Variants in SDK2 observed in about 807,000 individuals in gnomAD.
The protein encoded by SDK2 is sidekick cell adhesion molecule 2.
Under a neutral mutation model 253.9 loss-of-function variants are expected in SDK2, and 105 were observed. The observed-to-expected ratio is 0.41, with a 90% CI of 0.35 to 0.49. The LOEUF is 0.49. Ranked by LOEUF, SDK2 falls within the 20% of genes least tolerant of loss-of-function variation. SDK2 has a pLI of 0.06. For missense variants in SDK2, 2,608 were observed against 3,003.0 expected (o/e 0.87, Z 3.07); for synonymous variants, 1,249 against 1,234.9 (o/e 1.01, Z -0.24).
chr17:73,437,955 C>T lies in SDK2; in HGVS notation c.916+9G>A. ...TCAGGGGAGCCCTAGCAGCCCCACC[C>T]TCTCTCACCCAGCACTGAGAGGTAG... is the stretch of plus-strand genomic sequence containing the variant. On this transcript the variant is annotated intron_variant, in intron 7 of 44. Transcript: ENST00000392650. 6.4e-7 allele frequency: 1 copy of T among 1,552,956 alleles called. No homozygotes were observed. Among genetic ancestry groups the T allele is most frequent in the South Asian group, 1.2e-5 (1 of 84,768 alleles).
At chr17:73,401,598 T>G in intron 20 of SDK2, 56 bp downstream of exon 20, 1 of 1,463,390 alleles carries the variant, frequency 6.8e-7, no homozygotes, top group Non-Finnish European at 9.4e-7. Context: ...ATGGACCAGC[T>G]CTGACCTTTC....
At chr17:73,628,828 C>A (rs2046234677) in intron 1 of SDK2, among the ~76,000 whole-genome samples, 2 of 152,216 alleles carry the variant, frequency 1.3e-5, no homozygotes, top group Non-Finnish European at 2.9e-5. Flanking sequence ...CCTTCCAAAG[C>A]CACGCCCCAG....
At chr17:73,539,359 G>A (rs556689003) in intron 1 of SDK2, among the ~76,000 whole-genome samples, 2 of 152,248 alleles carry the variant, frequency 1.3e-5, no homozygotes, top group African/African-American at 4.8e-5. Flanking sequence ...GCCTGGGAGC[G>A]CCGGGGCAGG....
intron 1 of SDK2, among the ~76,000 whole-genome samples, chr17:73,557,375 T>G (rs1162280315): frequency 6.6e-6 from 1 of 151,986 alleles, no homozygotes; most frequent in Non-Finnish European, 1.5e-5. Context: ...CGATCTCGGC[T>G]CACTGCAACC....
At chr17:73,548,057 G>A (rs189373850) in intron 1 of SDK2, among the ~76,000 whole-genome samples, 9 of 152,222 alleles carry the variant, frequency 5.9e-5, no homozygotes, top group Non-Finnish European at 1.3e-4. Context: ...TTACGAGAAC[G>A]GCGTGATCCA....
At chr17:73,588,613 G>C (rs2045638648) in intron 1 of SDK2, among the ~76,000 whole-genome samples, 1 of 142,012 alleles carries the variant, frequency 7.0e-6, no homozygotes, top group African/African-American at 2.8e-5. Context: ...AAGCATTTTT[G>C]GTCGTCACAA....
At chr17:73,359,111 G>T (rs956455252) in intron 39 of SDK2, among the ~76,000 whole-genome samples, 1 of 152,078 alleles carries the variant, frequency 6.6e-6, no homozygotes, top group Non-Finnish European at 1.5e-5. Context: ...CCCAGAGCTG[G>T]GTACACAGTA....
chr17:73,575,825 C>T (rs758212046), intron 1 of SDK2, among the ~76,000 whole-genome samples: 111 of 152,266 alleles, frequency 7.3e-4, no homozygotes, highest in African/African-American at 2.3e-3. Context: ...GAGAGGAAGA[C>T]GAACAAAAGC....
In SDK2 at chr17:73,423,563, G is replaced by C. The variant is rs2063252376; in HGVS notation, c.1761-41C>G. 5.4e-6 allele frequency: 8 copies of C among 1,482,740 alleles called. No individual in the cohort carries two copies. The East Asian group carries it at 2.0e-4, about 36-fold the overall frequency. 91.8% of individuals were successfully genotyped at this position (1,482,740 alleles called of 1,614,324 possible). ...GTGGTCAGGCATCCCTATGTGGTCTGCAGGCAGGTGACGGGGGCGCTGTGG... is the reference window on the plus strand; with the variant it reads ...GTGGTCAGGCATCCCTATGTGGTCTCCAGGCAGGTGACGGGGGCGCTGTGG... On this transcript the variant is annotated intron_variant, in intron 13 of 44. Transcript: ENST00000392650.
rs191752331 is a variant in SDK2 at position 73,616,602 on chromosome 17, G to A, written c.64+27423C>T. Among the ~76,000 whole-genome samples, 4 of 152,274 alleles carry A rather than the reference G, an allele frequency of 2.6e-5. No individual in the cohort carries two copies. The East Asian group carries it at 7.7e-4, about 29-fold the overall frequency. ...ATGGAATCTTAGTCCTGGGTGTTTG[G>A]GGCTGAGAAAATGAACGTTCCATGA... On this transcript the variant is annotated intron_variant, in intron 1 of 44. Coordinates refer to ENST00000392650, the MANE Select transcript of SDK2 (RefSeq NM_001144952.2). The surrounding 1 kb of genome is among the most constrained non-coding windows in gnomAD (Gnocchi z 5.2).
At chr17:73,401,342 T>G (rs1599527707) in intron 20 of SDK2, 131 bp from the exon 21 acceptor site, 4 of 851,314 alleles carry the variant, frequency 4.7e-6, no homozygotes, top group Non-Finnish European at 7.2e-6. Context: ...CCAAGGGAGG[T>G]GGGAGCTGTT....
intron 1 of SDK2, among the ~76,000 whole-genome samples, chr17:73,542,090 C>T (rs987096152): frequency 1.3e-5 from 2 of 152,214 alleles, no homozygotes; most frequent in African/African-American, 4.8e-5. Context: ...TTTGGATTGT[C>T]TGCTTCCAGG....
At position 73,574,228 on chromosome 17, in the gene SDK2, AC is replaced by A. The variant is rs536981022; in HGVS notation, c.65-66632del. On this transcript the variant is annotated intron_variant, in intron 1 of 44. Transcript: ENST00000392650. Reference sequence around the variant, plus strand: ...TTCAGCCCCTAGAACATTGCCTAATACACCAATAAATATTTATCACATGAAT... The same window carrying A: ...TTCAGCCCCTAGAACATTGCCTAATAACCAATAAATATTTATCACATGAAT... 4.3e-3 allele frequency among the ~76,000 whole-genome samples: 653 copies of A among 152,346 alleles called. 4 individuals are homozygous for A. The highest frequency in any genetic ancestry group is 0.014 in the African/African-American group (598 of 41,566).
chr17:73,560,719 G>A (rs1347116221), intron 1 of SDK2, among the ~76,000 whole-genome samples: 1 of 152,110 alleles, frequency 6.6e-6, no homozygotes, highest in East Asian at 1.9e-4. Context: ...TGTAAATACA[G>A]AACTTCAAAA....
chr17:73,605,180 G>T lies in SDK2; in HGVS notation c.64+38845C>A, dbSNP rs1222347416. Reference sequence around the variant, plus strand: ...GGGTGATGTGGGCAGGCAATGAGGTGGGGGAAAGAGTGACGGCCCCTTCAA... The same window carrying T: ...GGGTGATGTGGGCAGGCAATGAGGTTGGGGAAAGAGTGACGGCCCCTTCAA... On this transcript the variant is annotated intron_variant, in intron 1 of 44. Transcript: ENST00000392650. Among the ~76,000 whole-genome samples the T allele has an allele frequency of 2.6e-5, 4 of 152,210 alleles. No homozygotes were observed. The East Asian group carries it at 7.7e-4, about 29-fold the overall frequency.
intron 40 of SDK2, chr17:73,357,662 G>A (rs141955222): frequency 3.3e-4 from 101 of 310,540 alleles, no homozygotes; most frequent in African/African-American, 2.2e-3. Flanking sequence ...AGGCTGGTAC[G>A]ATTATAGCAG....
chr17:73,464,850 T>C (rs980235249), intron 3 of SDK2, among the ~76,000 whole-genome samples: 4 of 152,224 alleles, frequency 2.6e-5, no homozygotes, highest in African/African-American at 9.6e-5. Context: ...ACTTTAGTTT[T>C]TGTCATGGGC....
In SDK2 at chr17:73,391,262, G is replaced by T. The variant is rs567088802; in HGVS notation, c.3997+178C>A. Among the ~76,000 whole-genome samples, 8 of 152,336 alleles carry T rather than the reference G, an allele frequency of 5.3e-5. No individual in the cohort carries two copies. In the East Asian group the frequency reaches 1.4e-3, roughly 26 times the overall value. On this transcript the variant is annotated intron_variant, in intron 28 of 44. Coordinates refer to ENST00000392650, the MANE Select transcript of SDK2 (RefSeq NM_001144952.2). The stretch of plus-strand genomic sequence containing the variant: ...TCAACTCTGATCTTGCCCTCCGGAA[G>T]ATAATCTTACACACTGGAATTTCTA...
intron 10 of SDK2, 74 bp downstream of exon 10, chr17:73,433,658 G>A (rs1599561989): frequency 4.4e-6 from 5 of 1,148,816 alleles, no homozygotes; most frequent in Non-Finnish European, 6.4e-6. Context: ...AACCTGGCTG[G>A]CTCCAGAGCC....
Sources: allele counts gnomAD v4.1 joint callset (sites outside exome capture counted in the v4.1 genomes callset), GRCh38; gene constraint gnomAD v4.1.1; non-coding constraint Gnocchi (gnomAD v3.1); transcripts MANE v1.5; gene names NCBI Gene and HGNC (gene_info 2026-07-23, HGNC 2026-07-21).